Variants in SPATA17 observed in about 807,000 individuals in gnomAD.
The protein encoded by SPATA17 is spermatogenesis-associated protein 17.
Under a neutral mutation model 62.2 loss-of-function variants are expected in SPATA17, and 53 were observed. The ratio of observed to expected loss-of-function variants is 0.85; its 90% CI spans 0.68 to 1.07. SPATA17 has a LOEUF of 1.07. Ranked by LOEUF, SPATA17 falls within the 50% of genes least tolerant of loss-of-function variation. SPATA17 has a pLI of 0.00. For synonymous variants in SPATA17, 146 were observed against 146.8 expected (o/e 0.99, Z 0.04); for missense variants, 466 against 425.5 (o/e 1.10, Z -0.84).
chr1:217,736,553 T>A (rs182698452), intron 5 of SPATA17, among the ~76,000 whole-genome samples: 3,232 of 115,980 alleles, frequency 0.028, 122 homozygotes, highest in African/African-American at 0.082. Flanking sequence ...GTAAATACAA[T>A]TTAAGTGAAG....
chr1:217,809,391 CT>C (rs1301457766), intron 9 of SPATA17, among the ~76,000 whole-genome samples: 2 of 152,066 alleles, frequency 1.3e-5, no homozygotes, highest in African/African-American at 4.8e-5. Flanking sequence ...ATACCTGAGA[CT>C]AAGTAATTTA....
chr1:217,777,278 G>A (rs1673617947), intron 7 of SPATA17, among the ~76,000 whole-genome samples: 1 of 151,886 alleles, frequency 6.6e-6, no homozygotes, highest in Non-Finnish European at 1.5e-5. Flanking sequence ...ACTATTAACT[G>A]ATGGTTTATA....
intron 9 of SPATA17, among the ~76,000 whole-genome samples, chr1:217,836,393 A>G (rs1244391128): frequency 6.6e-6 from 1 of 152,174 alleles, no homozygotes; most frequent in African/African-American, 2.4e-5. Context: ...AAAGGAGCTC[A>G]CAAAATAAGA....
chr1:217,729,546 A>G lies in SPATA17; in HGVS notation c.396-12429A>G, dbSNP rs891888067. Among the ~76,000 whole-genome samples, 7 of 152,350 alleles carry G rather than the reference A, an allele frequency of 4.6e-5. No homozygotes were observed. The East Asian group carries it at 1.2e-3, about 25-fold the overall frequency. On this transcript the variant is annotated intron_variant, in intron 5 of 10. Coordinates refer to ENST00000366933, the MANE Select transcript of SPATA17 (RefSeq NM_138796.4). Reference sequence around the variant, plus strand: ...AGAAAACAACATTTCAGTTTTCAAGAAACAAATTAGTCTGTAATGTTAACT... The same window carrying G: ...AGAAAACAACATTTCAGTTTTCAAGGAACAAATTAGTCTGTAATGTTAACT...
Position 217,774,444 on chromosome 1 carries a change from C to T in SPATA17, c.630C>T (p.Asp210=). The change falls in exon 7 of 11, where the codon GAC becomes GAT. Residue 210 remains aspartate (D), a synonymous_variant. Transcript: ENST00000366933. ...THRRPKVKQK[D]STSLTDWLAC... ...GAAGACCTAAAGTTAAGCAGAAGGA[C>T]TCCACCAGCCTTACTGATTGGCTAG... The T allele has an allele frequency of 6.2e-7, 1 of 1,614,118 alleles. No individual in the cohort carries two copies. Among genetic ancestry groups the T allele is most frequent in the Non-Finnish European group, 8.5e-7 (1 of 1,179,996 alleles).
chr1:217,800,997 A>AT (rs1674295454), intron 8 of SPATA17, among the ~76,000 whole-genome samples: 1 of 152,308 alleles, frequency 6.6e-6, no homozygotes, highest in East Asian at 1.9e-4. Flanking sequence ...ATCTAAAGTA[A>AT]TAATGATGAT....
chr1:217,798,899 G>A (rs1571812896), intron 8 of SPATA17, among the ~76,000 whole-genome samples: 2 of 148,318 alleles, frequency 1.3e-5, no homozygotes, highest in South Asian at 2.1e-4. Context: ...TTTCTGAGAC[G>A]GAGTCTCACT....
At chr1:217,674,123 C>T (rs927676216) in intron 4 of SPATA17, among the ~76,000 whole-genome samples, 8 of 152,222 alleles carry the variant, frequency 5.3e-5, no homozygotes, top group African/African-American at 1.9e-4. Context: ...ACTCCAGATT[C>T]TGAAACTTAT....
At position 217,797,273 on chromosome 1, in the gene SPATA17, G is replaced by A. The variant is rs1674173875; in HGVS notation, c.873-4445G>A. On this transcript the variant is annotated intron_variant, in intron 8 of 10. Coordinates refer to ENST00000366933, the MANE Select transcript of SPATA17 (RefSeq NM_138796.4). ...TTTCTTTTTTTTTTTTTTTTGAGAT[G>A]GAGTCTCACTCTGTTGCCCAGGCTG... Among the ~76,000 whole-genome samples the A allele has an allele frequency of 2.8e-5, 4 of 143,544 alleles. No individual in the cohort carries two copies. In the Admixed American group the frequency reaches 2.8e-4, roughly 10 times the overall value. 94.2% of individuals were successfully genotyped at this position (143,544 alleles called of 152,430 possible).
intron 5 of SPATA17, among the ~76,000 whole-genome samples, chr1:217,718,658 A>T (rs1672059636): frequency 6.6e-6 from 1 of 152,162 alleles, no homozygotes; most frequent in African/African-American, 2.4e-5. Context: ...CCAGGGAGTT[A>T]GGAAAACAAG....
chr1:217,725,327 A>T (rs1276354081), intron 5 of SPATA17, among the ~76,000 whole-genome samples: 1 of 152,236 alleles, frequency 6.6e-6, no homozygotes, highest in Admixed American at 6.5e-5. Flanking sequence ...CCTACATAGT[A>T]TCACATGGCT....
intron 7 of SPATA17, among the ~76,000 whole-genome samples, chr1:217,781,827 A>G (rs982194133): frequency 2.6e-5 from 4 of 152,078 alleles, no homozygotes; most frequent in African/African-American, 9.7e-5. Flanking sequence ...AAAAAGGGAG[A>G]CAATCCTTTT....
intron 7 of SPATA17, among the ~76,000 whole-genome samples, chr1:217,779,231 C>A (rs1205470697): frequency 4.0e-5 from 6 of 149,790 alleles, no homozygotes; most frequent in Admixed American, 6.7e-5. Context: ...AAACACATGG[C>A]AGAATTAAAA....
chr1:217,831,586 G>C (rs1050418089), intron 9 of SPATA17, among the ~76,000 whole-genome samples: 1 of 151,922 alleles, frequency 6.6e-6, no homozygotes, highest in Non-Finnish European at 1.5e-5. Context: ...TTATAAAAAG[G>C]CCTACTCCAA....
intron 9 of SPATA17, among the ~76,000 whole-genome samples, chr1:217,858,270 A>C (rs1322585058): frequency 6.6e-6 from 1 of 152,192 alleles, no homozygotes; most frequent in Admixed American, 6.5e-5. Flanking sequence ...TTATTGCCCC[A>C]AAATTAGTCT....
intron 5 of SPATA17, among the ~76,000 whole-genome samples, chr1:217,726,833 G>T (rs535726221): frequency 4.6e-5 from 7 of 151,470 alleles, no homozygotes; most frequent in Non-Finnish European, 1.0e-4. Flanking sequence ...AATAAATATT[G>T]GCTATTATTA....
At chr1:217,791,773 G>A (rs1406197167) in intron 8 of SPATA17, among the ~76,000 whole-genome samples, 1 of 152,174 alleles carries the variant, frequency 6.6e-6, no homozygotes, top group Non-Finnish European at 1.5e-5. Context: ...CTGAGTGAAA[G>A]ATCAGATAGC....
chr1:217,674,725 A>T (rs1670909058), intron 4 of SPATA17, among the ~76,000 whole-genome samples: 1 of 152,196 alleles, frequency 6.6e-6, no homozygotes. Context: ...TGAAGTGTTA[A>T]CAGCTGGTTC....
chr1:217,650,965 C>A (rs1001211748), intron 2 of SPATA17, 132 bp from the exon 3 acceptor site: 3 of 634,598 alleles, frequency 4.7e-6, no homozygotes, highest in Non-Finnish European at 8.3e-6. Flanking sequence ...CAATAACTTT[C>A]TACTGTTTAA....
Sources: gnomAD v4.1 joint callset for allele counts (sites outside exome capture counted in the v4.1 genomes callset) on GRCh38, gnomAD v4.1.1 for gene constraint, MANE v1.5 for transcripts, NCBI Gene and HGNC (gene_info 2026-07-23, HGNC 2026-07-21) for gene names.